SAMHD1: variants seen among roughly 807,000 people sequenced by gnomAD.
SAMHD1 encodes deoxynucleoside triphosphate triphosphohydrolase SAMHD1.
Under a neutral mutation model 79.6 loss-of-function variants are expected in SAMHD1, and 54 were observed. That is an observed-to-expected ratio of 0.68 (90% confidence interval 0.55 to 0.85). SAMHD1 has a LOEUF of 0.85. SAMHD1 is among the 40% of genes least tolerant of loss of function. The pLI is 0.00. For missense variants in SAMHD1, 663 were observed against 782.7 expected, an observed-to-expected ratio of 0.85 and a Z score of 1.82; for synonymous variants, 260 against 264.1, an observed-to-expected ratio of 0.98 and a Z score of 0.15.
chr20:36,893,937 TGAG>T, intron 15 of SAMHD1: 1 of 398,606 alleles, frequency 2.5e-6, no homozygotes, highest in East Asian at 3.6e-5. Context: ...AGACTGGAGG[TGAG>T]AAGAGGGCAG....
chr20:36,919,009 G>A (rs977012935), intron 7 of SAMHD1, among the ~76,000 whole-genome samples: 5 of 150,918 alleles, frequency 3.3e-5, no homozygotes, highest in Non-Finnish European at 5.9e-5. Context: ...GGTAGTGCAC[G>A]TTTGTGGTCC....
intron 11 of SAMHD1, among the ~76,000 whole-genome samples, chr20:36,909,397 G>A (rs182831589): frequency 1.4e-3 from 215 of 152,046 alleles, no homozygotes; most frequent in Non-Finnish European, 1.8e-3. Context: ...GGCTGGGCGC[G>A]GTGGCTCACA....
In SAMHD1 at chr20:36,944,130, A is replaced by G. The variant is rs538438477; in HGVS notation, c.275+2608T>C. On this transcript the variant is annotated intron_variant, in intron 2 of 15. Coordinates refer to ENST00000646673, the MANE Select transcript of SAMHD1 (RefSeq NM_015474.4). ...GGGAGGCCTGAGGCGGGCAGATCAC[A>G]AGGTCAGGAGATTGAGACCATCCTG... Among the ~76,000 whole-genome samples, 532 of 149,758 alleles carry G rather than the reference A, an allele frequency of 3.6e-3. 5 individuals are homozygous for G. Among genetic ancestry groups the G allele is most frequent in the African/African-American group, 0.013 (513 of 40,604 alleles).
intron 4 of SAMHD1, among the ~76,000 whole-genome samples, chr20:36,933,293 C>T (rs570249359): frequency 2.6e-4 from 40 of 152,270 alleles, no homozygotes; most frequent in African/African-American, 9.6e-4. Flanking sequence ...TGCAGACCAA[C>T]GTCTCAGCTT....
intron 4 of SAMHD1, among the ~76,000 whole-genome samples, chr20:36,931,836 A>G (rs867439127): frequency 6.6e-6 from 1 of 152,092 alleles, no homozygotes. Context: ...AATAAAAAAT[A>G]AAAAATAAAA....
chr20:36,896,958 C>T (rs1054806873), intron 15 of SAMHD1, among the ~76,000 whole-genome samples: 1 of 152,124 alleles, frequency 6.6e-6, no homozygotes, highest in Admixed American at 6.5e-5. Context: ...CTCCCACTGC[C>T]AAATATACCC....
intron 11 of SAMHD1, among the ~76,000 whole-genome samples, chr20:36,907,539 C>CTTTTTTT (rs71186087): frequency 7.9e-6 from 1 of 125,874 alleles, no homozygotes. Context: ...ATAAAGATGA[C>CTTTTTTT]TTTTTTTTTT....
chr20:36,893,321 C>T (rs1990126064), intron 15 of SAMHD1: 6 of 545,778 alleles, frequency 1.1e-5, no homozygotes, highest in South Asian at 8.2e-5. Context: ...CAGCATACCA[C>T]TGCCCACCTC....
intron 15 of SAMHD1, chr20:36,894,117 G>A: frequency 2.5e-6 from 1 of 395,938 alleles, no homozygotes; most frequent in East Asian, 3.6e-5. Flanking sequence ...TTGAATCACT[G>A]TCCTCTATGC....
chr20:36,898,448 T>C lies in SAMHD1; in HGVS notation c.1600A>G (p.Lys534Glu). The C allele has an allele frequency of 6.2e-7, 1 of 1,612,410 alleles. No homozygotes were observed. Among genetic ancestry groups the C allele is most frequent in the Non-Finnish European group, 8.5e-7 (1 of 1,178,466 alleles). The change falls in exon 14 of 16, where the codon AAA (lysine) becomes GAA (glutamate). Residue 534 changes from lysine to glutamate, a missense_variant. Coordinates refer to ENST00000646673, the MANE Select transcript of SAMHD1 (RefSeq NM_015474.4). Reference sequence around the variant, plus strand: ...TTTGCCTAAGTAGTTACCTGGTTTTTAGTAATCCTGATTGCTCTGTTGGGG... The same window carrying C: ...TTTGCCTAAGTAGTTACCTGGTTTTCAGTAATCCTGATTGCTCTGTTGGGG... ...TAPNRAIRIT[K>E]NQVSQLLPEK...
intron 11 of SAMHD1, 65 bp downstream of exon 11, chr20:36,911,153 G>T: frequency 1.1e-6 from 1 of 872,762 alleles, no homozygotes; most frequent in South Asian, 1.5e-5. Flanking sequence ...ATAACTCATT[G>T]GCAATTCAGG....
chr20:36,905,612 G>T, intron 11 of SAMHD1, 109 bp from the exon 12 acceptor site: 1 of 939,820 alleles, frequency 1.1e-6, no homozygotes, highest in Non-Finnish European at 1.6e-6. Flanking sequence ...GCAAATGTAG[G>T]TACATTATTA....
rs372475689 is a variant in SAMHD1 at position 36,934,651 on chromosome 20, T to C, written c.509+378A>G. ...ATTTCTTTTTTTTCCTGTTTTCTTT[T>C]TCTTTCTTTTTTTTTTTTTTTTTGA... is the stretch of plus-strand genomic sequence containing the variant. On this transcript the variant is annotated intron_variant, in intron 4 of 15. Coordinates refer to ENST00000646673, the MANE Select transcript of SAMHD1 (RefSeq NM_015474.4). 6.3e-3 allele frequency: 913 copies of C among 145,696 alleles called. 10 individuals are homozygous for C. The highest frequency in any genetic ancestry group is 0.02 in the African/African-American group (772 of 39,318). 9.0% of individuals were successfully genotyped at this position (145,696 alleles called of 1,614,324 possible).
intron 6 of SAMHD1, 53 bp downstream of exon 6, chr20:36,927,129 A>T (rs1395003790): frequency 6.8e-7 from 1 of 1,466,612 alleles, no homozygotes; most frequent in Non-Finnish European, 9.6e-7. Context: ...TAACTAAATA[A>T]CCTGCTTAAA....
At chr20:36,943,878 G>A (rs1178647267) in intron 2 of SAMHD1, among the ~76,000 whole-genome samples, 2 of 151,892 alleles carry the variant, frequency 1.3e-5, no homozygotes, top group African/African-American at 4.8e-5. Flanking sequence ...GGGAGTTCAA[G>A]ACCACCCTGG....
At chr20:36,947,551 G>GTGTGTGT (rs2063701110) in intron 1 of SAMHD1, among the ~76,000 whole-genome samples, 2 of 75,742 alleles carry the variant, frequency 2.6e-5, no homozygotes, top group African/African-American at 1.4e-4. Context: ...TTGGAAGAGG[G>GTGTGTGT]GTGTGTGTGT....
chr20:36,889,944 C>T (rs929389167), downstream of SAMHD1: 9 of 152,016 alleles, frequency 5.9e-5, no homozygotes, highest in African/African-American at 2.2e-4. Flanking sequence ...CTTACAAAAA[C>T]AGGATTCTAC....
intron 11 of SAMHD1, among the ~76,000 whole-genome samples, chr20:36,906,784 T>C (rs1276332730): frequency 2.0e-5 from 3 of 150,916 alleles, no homozygotes; most frequent in East Asian, 1.9e-4. Flanking sequence ...TCCATATATA[T>C]ATATCTGTGC....
intron 9 of SAMHD1, among the ~76,000 whole-genome samples, chr20:36,912,898 T>TTTG (rs1555833566): frequency 1.5e-5 from 2 of 130,012 alleles, no homozygotes; most frequent in African/African-American, 3.2e-5. Context: ...TGTTTTTTTT[T>TTTG]TTTTTTTTTT....
Sources: gnomAD v4.1 joint callset for allele counts (sites outside exome capture counted in the v4.1 genomes callset) on GRCh38, gnomAD v4.1.1 for gene constraint, MANE v1.5 for transcripts, NCBI Gene and HGNC (gene_info 2026-07-23, HGNC 2026-07-21) for gene names.